Variants in GPC5 observed in about 807,000 individuals in gnomAD.
The protein encoded by GPC5 is glypican 5, also known as glypican-5.
A neutral mutation model predicts 53.9 loss-of-function variants in GPC5; 47 were observed. That is an observed-to-expected ratio of 0.87 (90% confidence interval 0.69 to 1.11). The LOEUF (loss-of-function observed/expected upper bound fraction) is 1.11, where lower values mean the gene tolerates loss of function less well. GPC5 is among the 50% of genes most tolerant of loss of function. GPC5 has a pLI of 0.00. For synonymous variants in GPC5, 286 were observed against 263.3 expected, an observed-to-expected ratio of 1.09 and a Z score of -0.84; for missense variants, 748 against 713.1, an observed-to-expected ratio of 1.05 and a Z score of -0.56.
intron 7 of GPC5, among the ~76,000 whole-genome samples, chr13:92,651,049 G>A (rs951609370): frequency 6.6e-6 from 1 of 151,954 alleles, no homozygotes; most frequent in African/African-American, 2.4e-5. Flanking sequence ...ATGGCTTCCA[G>A]CTTCATCCAT....
intron 7 of GPC5, among the ~76,000 whole-genome samples, chr13:92,694,179 G>A (rs990914186): frequency 6.6e-6 from 1 of 152,220 alleles, no homozygotes; most frequent in African/African-American, 2.4e-5. Context: ...TGTCCAGGCA[G>A]AAGTCTGCTG....
At chr13:92,491,853 CT>C (rs1879773883) in intron 7 of GPC5, among the ~76,000 whole-genome samples, 1 of 152,074 alleles carries the variant, frequency 6.6e-6, no homozygotes, top group Non-Finnish European at 1.5e-5. Flanking sequence ...AGTAATATTT[CT>C]TTTTATTTGC....
intron 7 of GPC5, among the ~76,000 whole-genome samples, chr13:92,863,547 GC>G (rs1942781335): frequency 6.6e-6 from 1 of 152,122 alleles, no homozygotes; most frequent in Non-Finnish European, 1.5e-5. Context: ...AGGCTGGAGT[GC>G]AATGGCACAA....
chr13:91,810,162 C>CT (rs1054934184), intron 5 of GPC5, among the ~76,000 whole-genome samples: 2 of 151,838 alleles, frequency 1.3e-5, no homozygotes, highest in African/African-American at 4.8e-5. Context: ...TATCAGAATA[C>CT]TAAAACTGGA....
At chr13:91,791,541 G>A (rs2037963869) in intron 5 of GPC5, among the ~76,000 whole-genome samples, 1 of 151,860 alleles carries the variant, frequency 6.6e-6, no homozygotes, top group African/African-American at 2.4e-5. Flanking sequence ...GGACTAGTGT[G>A]ACCCAACTGT....
chr13:92,313,111 C>A (rs2043156472), intron 7 of GPC5, among the ~76,000 whole-genome samples: 1 of 152,062 alleles, frequency 6.6e-6, no homozygotes, highest in Non-Finnish European at 1.5e-5. Flanking sequence ...AAGTCTGTCA[C>A]CTCTCTCTCT....
intron 7 of GPC5, among the ~76,000 whole-genome samples, chr13:92,298,020 G>A (rs1405106888): frequency 6.6e-6 from 1 of 152,046 alleles, no homozygotes; most frequent in African/African-American, 2.4e-5. Context: ...AAGTCAGTGA[G>A]ACCAAGAACC....
intron 3 of GPC5, among the ~76,000 whole-genome samples, chr13:91,713,474 G>A (rs778720494): frequency 2.8e-4 from 42 of 151,784 alleles, no homozygotes; most frequent in Non-Finnish European, 5.0e-4. Context: ...TTCCTTTCCC[G>A]TCATTTTCTC....
intron 7 of GPC5, among the ~76,000 whole-genome samples, chr13:92,674,804 C>A (rs538586685): frequency 2.5e-4 from 38 of 152,180 alleles, no homozygotes; most frequent in African/African-American, 8.9e-4. Flanking sequence ...AGATATATTT[C>A]TTTCAGAACC....
intron 7 of GPC5, among the ~76,000 whole-genome samples, chr13:92,449,746 G>T (rs997960702): frequency 6.6e-6 from 1 of 151,922 alleles, no homozygotes; most frequent in Non-Finnish European, 1.5e-5. Flanking sequence ...TCTGACTTGA[G>T]TATTACACTT....
chr13:91,717,091 A>G (rs2036354812), intron 3 of GPC5, among the ~76,000 whole-genome samples: 1 of 152,230 alleles, frequency 6.6e-6, no homozygotes, highest in South Asian at 2.1e-4. Context: ...TGAGAGATCG[A>G]GAGCAATTTA....
At chr13:91,994,380 C>T (rs571386545) in intron 6 of GPC5, 1 of 152,296 alleles carries the variant, frequency 6.6e-6, no homozygotes, top group African/African-American at 2.4e-5. Context: ...TCAAAGAAGC[C>T]TGTGTTGGGC....
chr13:91,481,355 G>A (rs9560813), intron 2 of GPC5, among the ~76,000 whole-genome samples: 7 of 152,058 alleles, frequency 4.6e-5, no homozygotes, highest in African/African-American at 1.7e-4. Context: ...CTCTTTTGGG[G>A]TGAAGTGGAA....
At chr13:91,924,359 C>G (rs2039746117) in intron 6 of GPC5, among the ~76,000 whole-genome samples, 1 of 152,090 alleles carries the variant, frequency 6.6e-6, no homozygotes, top group African/African-American at 2.4e-5. Flanking sequence ...CAGATTCGCT[C>G]ATAATAGATT....
chr13:92,055,761 T>C (rs963910361), intron 6 of GPC5, among the ~76,000 whole-genome samples: 1 of 152,200 alleles, frequency 6.6e-6, no homozygotes, highest in Non-Finnish European at 1.5e-5. Context: ...ATTGGGTGTT[T>C]GTGTATATTT....
At chr13:91,921,145 C>T (rs1481716368) in intron 6 of GPC5, among the ~76,000 whole-genome samples, 2 of 151,862 alleles carry the variant, frequency 1.3e-5, no homozygotes, top group Non-Finnish European at 1.5e-5. Flanking sequence ...CTGTGTTGGC[C>T]AGGCTGGTCT....
intron 6 of GPC5, among the ~76,000 whole-genome samples, chr13:92,045,928 C>T (rs1487867928): frequency 2.6e-5 from 4 of 151,970 alleles, no homozygotes; most frequent in Non-Finnish European, 5.9e-5. Context: ...TCACCAATGC[C>T]TGAAACCCCG....
chr13:91,721,178 AG>A (rs2036465341), intron 3 of GPC5, among the ~76,000 whole-genome samples: 1 of 148,338 alleles, frequency 6.7e-6, no homozygotes, highest in Non-Finnish European at 1.5e-5. Context: ...CTTGTTGCCC[AG>A]GCTGGAATGC....
At chr13:92,362,625 A>G (rs925531070) in intron 7 of GPC5, among the ~76,000 whole-genome samples, 2 of 151,760 alleles carry the variant, frequency 1.3e-5, no homozygotes, top group Non-Finnish European at 1.5e-5. Context: ...ATCTCAGCAC[A>G]TAATTCACCT....
Sources: allele counts gnomAD v4.1 joint callset (sites outside exome capture counted in the v4.1 genomes callset), GRCh38; gene constraint gnomAD v4.1.1; transcripts MANE v1.5; gene names NCBI Gene and HGNC (gene_info 2026-07-23, HGNC 2026-07-21).